Variants in CIITA observed in about 807,000 individuals in gnomAD.
CIITA encodes class II major histocompatibility complex transactivator, also known as MHC class II transactivator.
Under a neutral mutation model 115.1 loss-of-function variants are expected in CIITA, and 72 were observed. That is an observed-to-expected ratio of 0.63 (90% confidence interval 0.52 to 0.76). The LOEUF (loss-of-function observed/expected upper bound fraction) is 0.76. CIITA is among the 30% of genes least tolerant of loss of function. The pLI is 0.00. For missense variants in CIITA, 1,617 were observed against 1,463.8 expected (o/e 1.10, Z -1.71); for synonymous variants, 763 against 635.6 (o/e 1.20, Z -3.02).
chr16:10,916,346 C>A, intron 14 of CIITA, 21 bp from the exon 15 acceptor site: 4 of 1,611,694 alleles, frequency 2.5e-6, no homozygotes, highest in Non-Finnish European at 3.4e-6. Flanking sequence ...GCTGATGGCC[C>A]CCATCTGATT....
At chr16:10,909,869 G>A (rs1167282927) in intron 12 of CIITA, among the ~76,000 whole-genome samples, 1 of 152,082 alleles carries the variant, frequency 6.6e-6, no homozygotes, top group Non-Finnish European at 1.5e-5. Context: ...CAAGTAGCTG[G>A]GATTATAGGT....
upstream of CIITA, among the ~76,000 whole-genome samples, chr16:10,874,364 C>T (rs376170687): frequency 4.5e-4 from 68 of 152,284 alleles, no homozygotes; most frequent in East Asian, 3.3e-3. Context: ...CATTCCTCCT[C>T]GTGCTCTTTG....
intron 1 of CIITA, among the ~76,000 whole-genome samples, chr16:10,887,185 C>T (rs2037036692): frequency 6.6e-6 from 1 of 152,122 alleles, no homozygotes; most frequent in Non-Finnish European, 1.5e-5. Flanking sequence ...CCCTGGCTTC[C>T]CAACACCATT....
chr16:10,867,693 C>T (rs2035184457), intron 1 of CIITA, among the ~76,000 whole-genome samples: 1 of 152,198 alleles, frequency 6.6e-6, no homozygotes, highest in Non-Finnish European at 1.5e-5. Flanking sequence ...ACATCCTTGG[C>T]TCCTCCAACT....
Position 10,920,744 on chromosome 16 carries a change from G to C in CIITA, c.3150-1423G>C, listed in dbSNP as rs946604557. 7.2e-5 allele frequency among the ~76,000 whole-genome samples: 11 copies of C among 152,208 alleles called. No homozygotes were observed. Among genetic ancestry groups the C allele is most frequent in the African/African-American group, 2.2e-4 (9 of 41,448 alleles). Reference sequence around the variant, plus strand: ...GTCAGATTACTCTCCCTGTGGGGTGGAGGAAGGGTCTCCAGGGTTCAGAGA... The same window carrying C: ...GTCAGATTACTCTCCCTGTGGGGTGCAGGAAGGGTCTCCAGGGTTCAGAGA... On this transcript the variant is annotated intron_variant, in intron 16 of 19. Coordinates refer to ENST00000324288, the MANE Select transcript of CIITA (RefSeq NM_000246.4). This position sits in a 1 kb window ranked among gnomAD's most constrained non-coding sequence, Gnocchi z 4.5.
At position 10,923,168 on chromosome 16, in the gene CIITA, T is replaced by A; in HGVS notation, c.3318-60T>A. ...GGAGGGATTTGGGGGCAGCTGTCAC[T>A]GGGGCCCCAGGCCGCCCTCTCTCCT... On this transcript the variant is annotated intron_variant, in intron 18 of 19. Transcript: ENST00000324288. This position sits in a 1 kb window ranked among gnomAD's most constrained non-coding sequence, Gnocchi z 5.2. The A allele has an allele frequency of 2.7e-6, 4 of 1,489,014 alleles. No homozygotes were observed. The allele number at this position is 1,489,014 out of a possible 1,614,324, so 92.2% of individuals were successfully genotyped here. A position where few individuals can be genotyped will look rare whatever the true frequency, so the allele number is the denominator to read the frequency against.
rs903250168 is a variant in CIITA at position 10,928,252 on chromosome 16, G to A, written c.*4397G>A. On this transcript the variant is annotated 3_prime_UTR_variant, in exon 20 of 20. Coordinates refer to ENST00000324288, the MANE Select transcript of CIITA (RefSeq NM_000246.4). Reference sequence around the variant, plus strand: ...TTGAAATCAAGTGCTCTGCAAACTGGAGAGAATTACTGCTTGTATTCCGTG... The same window carrying A: ...TTGAAATCAAGTGCTCTGCAAACTGAAGAGAATTACTGCTTGTATTCCGTG... 1.3e-5 allele frequency: 2 copies of A among 152,146 alleles called. No homozygotes were observed. Among genetic ancestry groups the A allele is most frequent in the African/African-American group, 4.8e-5 (2 of 41,408 alleles). 9.4% of individuals were successfully genotyped at this position (152,146 alleles called of 1,614,324 possible).
At chr16:10,910,953 G>C (rs922174202) in intron 13 of CIITA, among the ~76,000 whole-genome samples, 1 of 145,626 alleles carries the variant, frequency 6.9e-6, no homozygotes, top group Non-Finnish European at 1.5e-5. Context: ...AAAACTGAAA[G>C]TCTTGCATCC....
intron 1 of CIITA, among the ~76,000 whole-genome samples, chr16:10,868,095 A>G (rs951282167): frequency 2.6e-5 from 4 of 152,108 alleles, no homozygotes; most frequent in Non-Finnish European, 5.9e-5. Flanking sequence ...TGTTTGTTCC[A>G]TCTCCTTCTG....
At chr16:10,880,324 G>C (rs1433687884) in intron 1 of CIITA, among the ~76,000 whole-genome samples, 1 of 152,148 alleles carries the variant, frequency 6.6e-6, no homozygotes, top group Non-Finnish European at 1.5e-5. Flanking sequence ...CTGAGATCCT[G>C]CAGGTTAAAC....
intron 9 of CIITA, 135 bp downstream of exon 9, chr16:10,904,030 G>C (rs552848558): frequency 8.4e-7 from 1 of 1,187,984 alleles, no homozygotes; most frequent in Non-Finnish European, 1.2e-6. Flanking sequence ...AGTCGGGACA[G>C]GGAGGGTCTC....
At chr16:10,886,236 C>T (rs1196269487) in intron 1 of CIITA, among the ~76,000 whole-genome samples, 1 of 152,096 alleles carries the variant, frequency 6.6e-6, no homozygotes, top group Non-Finnish European at 1.5e-5. Context: ...CCACGCCTGG[C>T]CACAGTTTCT....
At chr16:10,922,092 C>G in intron 16 of CIITA, 75 bp from the exon 17 acceptor site, 5 of 1,316,844 alleles carry the variant, frequency 3.8e-6, no homozygotes, top group South Asian at 1.2e-5. Context: ...TTTCTGGAAT[C>G]TAGGGATGGT....
At chr16:10,905,436 C>CAATG in intron 10 of CIITA, among the ~76,000 whole-genome samples, 1 of 152,006 alleles carries the variant, frequency 6.6e-6, no homozygotes. Flanking sequence ...AGTGATCAAG[C>CAATG]GAAGAAAAAG....
chr16:10,921,668 A>G (rs958999104), intron 16 of CIITA, among the ~76,000 whole-genome samples: 1 of 152,222 alleles, frequency 6.6e-6, no homozygotes, highest in Non-Finnish European at 1.5e-5. Context: ...GAACTTGGGA[A>G]GTTGTTCTGA....
rs1022148239 is a variant in CIITA at position 10,934,834 on chromosome 16, C to T, written c.*10979C>T. On this transcript the variant is annotated 3_prime_UTR_variant, in exon 20 of 20. Transcript: ENST00000324288. The surrounding 1 kb of genome is among the most constrained non-coding windows in gnomAD (Gnocchi z 4.2). ...GCCTGGGATGGCAGCTGTGAGGGCA[C>T]CAGCACCATCTGGGGACTCGCTGGG... 6 of 152,250 alleles carry T rather than the reference C, an allele frequency of 3.9e-5. No individual in the cohort carries two copies. Among genetic ancestry groups the T allele is most frequent in the African/African-American group, 1.2e-4 (5 of 41,452 alleles). The allele number at this position is 152,250 out of a possible 1,614,324, so 9.4% of individuals were successfully genotyped here.
At chr16:10,886,503 G>A (rs1241743507) in intron 1 of CIITA, among the ~76,000 whole-genome samples, 1 of 152,148 alleles carries the variant, frequency 6.6e-6, no homozygotes, top group African/African-American at 2.4e-5. Flanking sequence ...CCCAAGAGCT[G>A]AATTGCCAGG....
At chr16:10,875,433 C>G (rs1431722854), upstream of CIITA, among the ~76,000 whole-genome samples, 2 of 152,142 alleles carry the variant, frequency 1.3e-5, no homozygotes, top group African/African-American at 4.8e-5. Flanking sequence ...GCATCATCCT[C>G]ATTTCACACA....
chr16:10,907,050 G>A lies in CIITA; in HGVS notation c.1558G>A (p.Ala520Thr), dbSNP rs747042657. Residue 520 changes from alanine to threonine, a missense_variant, in exon 11 of 20, where the codon GCG becomes ACG. Transcript: ENST00000324288. The surrounding 1 kb of genome is among the most constrained non-coding windows in gnomAD (Gnocchi z 5.0). ...GCACAGCACGTGCGGACCGGCACCG[G>A]CGGAGCCCTGCTCCCTCCGGGGGCT... ...FLHSTCGPAPAEPCSLRGLLA... is the reference protein window; with the variant it reads ...FLHSTCGPAPTEPCSLRGLLA... 1 of 1,607,282 alleles carries A rather than the reference G, an allele frequency of 6.2e-7. No individual in the cohort carries two copies. Among genetic ancestry groups the A allele is most frequent in the Non-Finnish European group, 8.5e-7 (1 of 1,179,960 alleles).
Sources: allele counts gnomAD v4.1 joint callset (sites outside exome capture counted in the v4.1 genomes callset), GRCh38; gene constraint gnomAD v4.1.1; non-coding constraint Gnocchi (gnomAD v3.1); transcripts MANE v1.5; gene names NCBI Gene and HGNC (gene_info 2026-07-23, HGNC 2026-07-21).